The following PPM1L variants were observed in gnomAD, a reference collection of about 807,000 sequenced individuals.
The protein encoded by PPM1L is protein phosphatase, Mg2+/Mn2+ dependent 1L, also known as protein phosphatase 1L.
In PPM1L, 13 loss-of-function variants were observed where a neutral mutation model predicts 31.4. That is an observed-to-expected ratio of 0.41 (90% CI 0.27 to 0.66). The LOEUF is 0.66. PPM1L is among the 30% of genes least tolerant of loss of function. The pLI, the probability that PPM1L is intolerant of heterozygous loss-of-function variation, is 0.29. For synonymous variants in PPM1L, 184 were observed against 175.4 expected, an observed-to-expected ratio of 1.05 and a Z score of -0.39; for missense variants, 326 against 453.7, an observed-to-expected ratio of 0.72 and a Z score of 2.56.
chr3:161,065,499 C>T lies in PPM1L; in HGVS notation c.671C>T (p.Ala224Val), dbSNP rs779112240. ...RGVLCDKDGN[A>V]IPLSHDHKPY... ...GTCCTGTGTGACAAAGATGGGAACG[C>T]TATTCCTTTGTCTCATGATCACAAG... Residue 224 changes from alanine to valine, a missense_variant, in exon 3 of 4, where the codon GCT becomes GTT. By Grantham distance (64) the Ala-to-Val change is moderately conservative (BLOSUM62 0). Around this residue, in one of 3 missense-constraint regions of PPM1L, gnomAD observed 201 missense variants for 298.2 expected, o/e 0.67. Transcript: ENST00000498165. The T allele has an allele frequency of 6.2e-7, 1 of 1,613,976 alleles. No homozygotes were observed. Among genetic ancestry groups the T allele is most frequent in the Admixed American group, 1.7e-5 (1 of 60,000 alleles).
At chr3:160,935,915 G>T (rs1714955895) in intron 1 of PPM1L, among the ~76,000 whole-genome samples, 3 of 152,266 alleles carry the variant, frequency 2.0e-5, no homozygotes, top group East Asian at 3.9e-4. Flanking sequence ...AGCCACCATT[G>T]GTCTCTCAGG....
intron 1 of PPM1L, among the ~76,000 whole-genome samples, chr3:160,760,798 C>T (rs1714950951): frequency 6.6e-6 from 1 of 151,448 alleles, no homozygotes; most frequent in Non-Finnish European, 1.5e-5. Flanking sequence ...ATGGCTGAAG[C>T]CTAGCTAGAA....
intron 1 of PPM1L, among the ~76,000 whole-genome samples, chr3:160,960,351 T>G (rs534726984): frequency 6.9e-4 from 105 of 152,244 alleles, no homozygotes; most frequent in African/African-American, 2.4e-3. Context: ...CATTTATAAT[T>G]TAGTTATGTT....
At chr3:160,787,837 A>T (rs1396741020) in intron 1 of PPM1L, among the ~76,000 whole-genome samples, 1 of 152,198 alleles carries the variant, frequency 6.6e-6, no homozygotes, top group Non-Finnish European at 1.5e-5. Flanking sequence ...TTATCTCAGC[A>T]CCATTTATTG....
At chr3:160,957,082 A>G (rs760634468) in intron 1 of PPM1L, among the ~76,000 whole-genome samples, 4 of 152,250 alleles carry the variant, frequency 2.6e-5, no homozygotes, top group Non-Finnish European at 4.4e-5. Flanking sequence ...CAATACTAAC[A>G]GTATATACAT....
intron 2 of PPM1L, among the ~76,000 whole-genome samples, chr3:161,014,538 G>A (rs183189649): frequency 1.4e-5 from 2 of 146,558 alleles, no homozygotes; most frequent in African/African-American, 5.1e-5. Context: ...GCAGTGGCAC[G>A]ATCTCAGCTC....
In PPM1L at chr3:160,901,081, A is replaced by C. The variant is rs192691965; in HGVS notation, c.400-60655A>C. On this transcript the variant is annotated intron_variant, in intron 1 of 3. Transcript: ENST00000498165. ...TAGGCTATCCCAGGGCTCGTTCCTC[A>C]ACTCTCTTTTCTTCTGTTTACTTGT... Among the ~76,000 whole-genome samples, 148 of 152,020 alleles carry C rather than the reference A, an allele frequency of 9.7e-4. No homozygotes were observed. The East Asian group carries it at 0.023, about 24-fold the overall frequency.
chr3:161,043,794 C>G (rs1380450898), intron 2 of PPM1L, among the ~76,000 whole-genome samples: 1 of 152,126 alleles, frequency 6.6e-6, no homozygotes, highest in African/African-American at 2.4e-5. Flanking sequence ...TCTAAATACC[C>G]TAAGAGCCCT....
chr3:160,779,055 A>G (rs535961698), intron 1 of PPM1L, among the ~76,000 whole-genome samples: 1 of 150,050 alleles, frequency 6.7e-6, no homozygotes, highest in Non-Finnish European at 1.5e-5. Flanking sequence ...ATTTTGTGTT[A>G]TAGTCCTGTT....
chr3:160,787,871 G>T (rs1711982958), intron 1 of PPM1L, among the ~76,000 whole-genome samples: 1 of 151,994 alleles, frequency 6.6e-6, no homozygotes, highest in African/African-American at 2.4e-5. Context: ...TAGGAAAATT[G>T]AATTTTCCTC....
intron 2 of PPM1L, among the ~76,000 whole-genome samples, chr3:161,063,107 G>T (rs1719623834): frequency 6.6e-6 from 1 of 152,130 alleles, no homozygotes; most frequent in Non-Finnish European, 1.5e-5. Flanking sequence ...CTAAGACTGT[G>T]CCTTATAGGA....
intron 1 of PPM1L, among the ~76,000 whole-genome samples, chr3:160,868,762 CAAAA>C (rs1013168800): frequency 6.7e-6 from 1 of 148,588 alleles, no homozygotes; most frequent in Non-Finnish European, 1.5e-5. Flanking sequence ...GTATTTTAAA[CAAAA>C]AAACACTTAA....
At chr3:160,972,873 C>A (rs925983296) in intron 2 of PPM1L, among the ~76,000 whole-genome samples, 14 of 152,222 alleles carry the variant, frequency 9.2e-5, no homozygotes, top group African/African-American at 2.2e-4. Flanking sequence ...TGTTTCCTGA[C>A]TTTTTAATGA....
At chr3:161,015,768 G>T (rs902929453) in intron 2 of PPM1L, among the ~76,000 whole-genome samples, 1 of 152,236 alleles carries the variant, frequency 6.6e-6, no homozygotes, top group Admixed American at 6.5e-5. Flanking sequence ...CAGTGTGTGT[G>T]CAGGCAGCCT....
chr3:160,970,597 G>GCC (rs1716298456), intron 2 of PPM1L, among the ~76,000 whole-genome samples: 1 of 149,456 alleles, frequency 6.7e-6, no homozygotes, highest in African/African-American at 2.5e-5. Flanking sequence ...CTACAGGCAT[G>GCC]TGCAACCACG....
chr3:160,808,406 T>TGCGTGC (rs1560112698), intron 1 of PPM1L, among the ~76,000 whole-genome samples: 3 of 147,794 alleles, frequency 2.0e-5, no homozygotes, highest in African/African-American at 5.2e-5. Flanking sequence ...TGTGTGTGTG[T>TGCGTGC]GTGTGTGTGT....
chr3:161,075,782 T>C lies in PPM1L; in HGVS notation c.*6625T>C, dbSNP rs1412532110. 6.6e-6 allele frequency: 1 copy of C among 152,188 alleles called. No homozygotes were observed. Among genetic ancestry groups the C allele is most frequent in the Non-Finnish European group, 1.5e-5 (1 of 68,034 alleles). The allele number at this position is 152,188 out of a possible 1,614,324, so 9.4% of individuals were successfully genotyped here. A position where few individuals can be genotyped will look rare whatever the true frequency, so the allele number is the denominator to read the frequency against. Reference sequence around the variant, plus strand: ...ACGCTCTTAGTGAAGGAGATAACATTGAAGTGAGAAAATGAACATTCTCAG... The same window carrying C: ...ACGCTCTTAGTGAAGGAGATAACATCGAAGTGAGAAAATGAACATTCTCAG... On this transcript the variant is annotated 3_prime_UTR_variant, in exon 4 of 4. Coordinates refer to ENST00000498165, the MANE Select transcript of PPM1L (RefSeq NM_139245.4).
intron 1 of PPM1L, among the ~76,000 whole-genome samples, chr3:160,855,307 A>T (rs949748810): frequency 2.6e-5 from 4 of 152,200 alleles, no homozygotes; most frequent in Non-Finnish European, 5.9e-5. Flanking sequence ...TTCTGGACAT[A>T]GGCTCTGGCA....
chr3:160,801,366 G>A (rs1285954631), intron 1 of PPM1L, among the ~76,000 whole-genome samples: 3 of 152,160 alleles, frequency 2.0e-5, no homozygotes, highest in African/African-American at 4.8e-5. Context: ...GGGGCAAAGC[G>A]AAATTTGTTA....
Sources: gnomAD v4.1 joint callset for allele counts (sites outside exome capture counted in the v4.1 genomes callset) on GRCh38, gnomAD v4.1.1 for gene constraint, gnomAD v4.1.1 regional missense constraint, MANE v1.5 for transcripts, NCBI Gene and HGNC (gene_info 2026-07-23, HGNC 2026-07-21) for gene names.